Variants in VPS45 observed in about 807,000 individuals in gnomAD.
VPS45 encodes vacuolar protein sorting 45 homolog, also known as vacuolar protein sorting-associated protein 45.
In VPS45, 35 loss-of-function variants were observed where a neutral mutation model predicts 75.9. The ratio of observed to expected loss-of-function variants is 0.46; its 90% CI spans 0.35 to 0.61. The LOEUF is 0.61. Ranked by LOEUF, VPS45 falls within the 20% of genes least tolerant of loss-of-function variation. The pLI, the probability that VPS45 is intolerant of heterozygous loss-of-function variation, is 0.00. For synonymous variants in VPS45, 220 were observed against 238.2 expected (o/e 0.92, Z 0.70); for missense variants, 559 against 685.9 (o/e 0.81, Z 2.07).
intron 3 of VPS45, among the ~76,000 whole-genome samples, chr1:150,074,466 C>A (rs1452665876): frequency 3.3e-5 from 5 of 152,114 alleles, no homozygotes; most frequent in African/African-American, 4.8e-5. Flanking sequence ...TAACTATACA[C>A]CATTGAAGGA....
chr1:150,099,790 G>A (rs782467814), intron 13 of VPS45, among the ~76,000 whole-genome samples: 1 of 131,394 alleles, frequency 7.6e-6, no homozygotes, highest in African/African-American at 2.9e-5. Flanking sequence ...CCAAAATCAA[G>A]CCACTGCTCT....
intron 14 of VPS45, chr1:150,142,939 A>C (rs1553815688): frequency 7.3e-6 from 3 of 412,570 alleles, no homozygotes; most frequent in Non-Finnish European, 1.5e-5. Flanking sequence ...AGCGTAAGCC[A>C]CTGCACCCGT....
At chr1:150,077,642 C>T (rs782037592) in intron 6 of VPS45, 27 bp from the exon 7 acceptor site, 1 of 1,494,104 alleles carries the variant, frequency 6.7e-7, no homozygotes, top group South Asian at 1.1e-5. Flanking sequence ...GATGGTTGCA[C>T]AAACCATCTT....
intron 13 of VPS45, among the ~76,000 whole-genome samples, chr1:150,100,742 T>C (rs1553804074): frequency 6.6e-6 from 1 of 152,150 alleles, no homozygotes; most frequent in African/African-American, 2.4e-5. Flanking sequence ...AAAAGACTCA[T>C]TCAATAAATG....
At chr1:150,082,146 A>G in intron 9 of VPS45, 149 bp downstream of exon 9, 2 of 597,170 alleles carry the variant, frequency 3.3e-6, no homozygotes, top group African/African-American at 1.9e-5. Flanking sequence ...TTTAAACAAT[A>G]TAGTGAAAAC....
At chr1:150,127,198 C>T (rs1658562758) in intron 14 of VPS45, among the ~76,000 whole-genome samples, 1 of 152,154 alleles carries the variant, frequency 6.6e-6, no homozygotes, top group Non-Finnish European at 1.5e-5. Context: ...AAATAAAATA[C>T]ACTACTAAAA....
chr1:150,099,419 A>G (rs992669885), intron 13 of VPS45, among the ~76,000 whole-genome samples: 2 of 151,748 alleles, frequency 1.3e-5, no homozygotes, highest in Non-Finnish European at 2.9e-5. Context: ...AGGCTGAGGT[A>G]GGAGAATTGG....
At position 150,077,171 on chromosome 1, in the gene VPS45, T is replaced by C. The variant is rs782607067; in HGVS notation, c.516T>C (p.Cys172=). The part of the protein sequence containing the change: ...LTALLLSLKK[C]PMIRYQLSSE... ...CTCTCCTTTTATCTCTGAAGAAGTGTCCCATGATTCGTTATCAGCTCTCAT... is the reference window on the plus strand; with the variant it reads ...CTCTCCTTTTATCTCTGAAGAAGTGCCCCATGATTCGTTATCAGCTCTCAT... The change falls in exon 6 of 15, where the codon TGT becomes TGC. Residue 172 remains cysteine (C), a synonymous_variant. Transcript: ENST00000644510. 5 of 1,614,106 alleles carry C rather than the reference T, an allele frequency of 3.1e-6. No individual in the cohort carries two copies. The highest frequency in any genetic ancestry group is 4.2e-6 in the Non-Finnish European group (5 of 1,179,998).
chr1:150,142,939 A>T (rs1553815688), intron 14 of VPS45: 1 of 412,688 alleles, frequency 2.4e-6, no homozygotes, highest in Non-Finnish European at 4.9e-6. Flanking sequence ...AGCGTAAGCC[A>T]CTGCACCCGT....
intron 3 of VPS45, among the ~76,000 whole-genome samples, chr1:150,075,003 CCAGA>C (rs1655293260): frequency 7.6e-6 from 1 of 131,904 alleles, no homozygotes; most frequent in Non-Finnish European, 1.5e-5. Context: ...CCTCTGTCAC[CCAGA>C]CAGAGTGCAG....
chr1:150,067,840 ACT>A lies in VPS45; in HGVS notation c.-17_-16del. The A allele has an allele frequency of 6.2e-7, 1 of 1,613,172 alleles. No homozygotes were observed. Among genetic ancestry groups the A allele is most frequent in the Non-Finnish European group, 8.5e-7 (1 of 1,179,168 alleles). On this transcript the variant is annotated 5_prime_UTR_variant, in exon 1 of 15. It adds an upstream start codon to the 5' untranslated region. Transcript: ENST00000644510. ...AAGGGGGCGGGAAGGGCTGTAGGGT[ACT>A]TGTCAATTCGCCGCCATGAACGTGG...
intron 13 of VPS45, 166 bp from the exon 14 acceptor site, chr1:150,110,330 C>A: frequency 1.7e-6 from 1 of 595,252 alleles, no homozygotes; most frequent in Non-Finnish European, 2.7e-6. Context: ...CTGTTTCCTG[C>A]CAATTTCAGA....
intron 14 of VPS45, among the ~76,000 whole-genome samples, chr1:150,120,241 A>G (rs1658165446): frequency 6.6e-6 from 1 of 152,244 alleles, no homozygotes; most frequent in Non-Finnish European, 1.5e-5. Flanking sequence ...GATCTCCTGC[A>G]TCCCAGAAAA....
chr1:150,093,467 T>C, intron 12 of VPS45, 60 bp from the exon 13 acceptor site: 1 of 1,583,372 alleles, frequency 6.3e-7, no homozygotes, highest in South Asian at 1.1e-5. Flanking sequence ...ATGAATATTA[T>C]TAATTCTTGT....
At chr1:150,078,443 C>T (rs868989865) in intron 7 of VPS45, among the ~76,000 whole-genome samples, 1 of 152,154 alleles carries the variant, frequency 6.6e-6, no homozygotes, top group African/African-American at 2.4e-5. Flanking sequence ...CCCATCTTCA[C>T]CTATCAAAAT....
At chr1:150,130,437 C>G (rs1044693941) in intron 14 of VPS45, among the ~76,000 whole-genome samples, 5 of 152,098 alleles carry the variant, frequency 3.3e-5, no homozygotes, top group Non-Finnish European at 7.4e-5. Flanking sequence ...AGTGATCTGC[C>G]TGCCTCAGCC....
chr1:150,135,853 G>T (rs1659050176), intron 14 of VPS45, among the ~76,000 whole-genome samples: 1 of 150,746 alleles, frequency 6.6e-6, no homozygotes, highest in Non-Finnish European at 1.5e-5. Flanking sequence ...TGGCCAGGCT[G>T]GTTTTGAACT....
intron 13 of VPS45, among the ~76,000 whole-genome samples, chr1:150,096,243 T>C (rs1266890942): frequency 6.6e-6 from 1 of 152,100 alleles, no homozygotes; most frequent in African/African-American, 2.4e-5. Context: ...AGATTAAACA[T>C]GGAAAAGGCA....
intron 10 of VPS45, among the ~76,000 whole-genome samples, chr1:150,086,364 A>G (rs1297655541): frequency 6.6e-6 from 1 of 152,164 alleles, no homozygotes; most frequent in African/African-American, 2.4e-5. Context: ...AGAAATATTA[A>G]CTACCAACAT....
Sources: allele counts gnomAD v4.1 joint callset (sites outside exome capture counted in the v4.1 genomes callset), GRCh38; gene constraint gnomAD v4.1.1; transcripts MANE v1.5; gene names NCBI Gene and HGNC (gene_info 2026-07-23, HGNC 2026-07-21).